The following MICAL2 variants were observed in gnomAD, a reference collection of about 807,000 sequenced individuals.
MICAL2 encodes microtubule associated monooxygenase, calponin and LIM domain containing 2, also known as [F-actin]-monooxygenase MICAL2.
A neutral mutation model predicts 127.3 loss-of-function variants in MICAL2; 77 were observed. The ratio of observed to expected loss-of-function variants is 0.60; its 90% CI spans 0.50 to 0.73. The LOEUF (loss-of-function observed/expected upper bound fraction) is 0.73, where lower values mean the gene tolerates loss of function less well. Among genes scored for constraint, MICAL2 ranks in the 30% least tolerant of loss-of-function variants. The pLI, the probability that MICAL2 is intolerant of heterozygous loss-of-function variation, is 0.00. For missense variants in MICAL2, 1,351 were observed against 1,434.4 expected (o/e 0.94, Z 0.94); for synonymous variants, 570 against 551.1 (o/e 1.03, Z -0.48).
intron 8 of MICAL2, 55 bp from the exon 9 acceptor site, chr11:12,220,146 G>A: frequency 6.2e-7 from 1 of 1,603,054 alleles, no homozygotes; most frequent in Non-Finnish European, 8.5e-7. Context: ...AGGTGGGTAT[G>A]AAGGCTAGCC....
rs1565283474 is a variant in MICAL2 at position 12,263,567 on chromosome 11, C to T, written c.*25C>T. 6.5e-6 allele frequency: 1 copy of T among 152,676 alleles called. No homozygotes were observed. Among genetic ancestry groups the T allele is most frequent in the Non-Finnish European group, 1.5e-5 (1 of 68,052 alleles). The allele number at this position is 152,676 out of a possible 1,614,324, so 9.5% of individuals were successfully genotyped here. On this transcript the variant is annotated 3_prime_UTR_variant, in exon 28 of 28. Transcript: ENST00000683283. Reference sequence around the variant, plus strand: ...TCTTATCTTCTCTTACAGAGTCTCCCTCCCTTTATAGAATGTCAACCAAAG... The same window carrying T: ...TCTTATCTTCTCTTACAGAGTCTCCTTCCCTTTATAGAATGTCAACCAAAG...
intron 2 of MICAL2, among the ~76,000 whole-genome samples, chr11:12,140,009 C>A (rs1852193153): frequency 6.6e-6 from 1 of 152,178 alleles, no homozygotes; most frequent in African/African-American, 2.4e-5. Context: ...GTTTATTCTA[C>A]CTTTTCTTGC....
At chr11:12,227,193 G>C in intron 15 of MICAL2, 62 bp downstream of exon 15, 1 of 1,204,100 alleles carries the variant, frequency 8.3e-7, no homozygotes, top group Non-Finnish European at 1.2e-6. Context: ...ATGAGGAACG[G>C]AGATTGTCAC....
At chr11:12,258,360 A>G in intron 24 of MICAL2, 108 bp from the exon 25 acceptor site, 2 of 845,746 alleles carry the variant, frequency 2.4e-6, no homozygotes, top group Admixed American at 1.9e-5. Context: ...GGCTATTTCC[A>G]TCGTTACTAT....
At position 12,241,023 on chromosome 11, in the gene MICAL2, C is replaced by G; in HGVS notation, c.2215-17C>G. ...TCTCCTGTGGCTGCTTTTTTGGACT[C>G]GCCTTTCTTCTCCCAGGAACGCCGT... On this transcript the variant is annotated splice_polypyrimidine_tract_variant and intron_variant, in intron 17 of 27. Coordinates refer to ENST00000683283, the MANE Select transcript of MICAL2 (RefSeq NM_001282663.2). The G allele has an allele frequency of 6.2e-7, 1 of 1,611,276 alleles. No individual in the cohort carries two copies. Among genetic ancestry groups the G allele is most frequent in the Non-Finnish European group, 8.5e-7 (1 of 1,178,776 alleles).
intron 1 of MICAL2, among the ~76,000 whole-genome samples, chr11:12,132,852 T>G (rs1220287965): frequency 6.6e-6 from 1 of 152,254 alleles, no homozygotes; most frequent in Non-Finnish European, 1.5e-5. Flanking sequence ...TGTTCTTTTG[T>G]ACCAACTGAT....
intron 3 of MICAL2, among the ~76,000 whole-genome samples, chr11:12,164,381 C>T (rs1412772216): frequency 6.6e-6 from 1 of 152,170 alleles, no homozygotes; most frequent in African/African-American, 2.4e-5. Context: ...CTGGAAGATA[C>T]ATTTGAGAAT....
At chr11:12,311,562 C>G (rs550413261) in intron 29 of MICAL2, among the ~76,000 whole-genome samples, 1 of 152,146 alleles carries the variant, frequency 6.6e-6, no homozygotes, top group Non-Finnish European at 1.5e-5. Flanking sequence ...GCCACCACAC[C>G]GGCTAATTTT....
chr11:12,268,731 G>C (rs571985087), downstream of MICAL2, among the ~76,000 whole-genome samples: 296 of 152,256 alleles, frequency 1.9e-3, 2 homozygotes, highest in Admixed American at 3.5e-3. Context: ...TCGCTCACGC[G>C]TGTAATCCAA....
downstream of MICAL2, among the ~76,000 whole-genome samples, chr11:12,267,667 T>A (rs1400445383): frequency 6.6e-6 from 1 of 152,184 alleles, no homozygotes; most frequent in African/African-American, 2.4e-5. Context: ...GCTGGAGTGA[T>A]GTCAGCTCGC....
intron 2 of MICAL2, chr11:12,161,329 G>A (rs1393737267): frequency 2.6e-5 from 4 of 152,204 alleles, no homozygotes; most frequent in South Asian, 2.1e-4. Flanking sequence ...CCTTCCATGA[G>A]CCGGAGCACT....
At chr11:12,294,907 G>A, downstream of MICAL2, 1 of 1,412,552 alleles carries the variant, frequency 7.1e-7, no homozygotes, top group Non-Finnish European at 9.2e-7. Context: ...TGGGCAGTTA[G>A]TAATCTTCAT....
intron 3 of MICAL2, among the ~76,000 whole-genome samples, chr11:12,190,496 G>C (rs952534405): frequency 2.0e-5 from 3 of 152,162 alleles, no homozygotes; most frequent in Non-Finnish European, 4.4e-5. Context: ...CATTGGTAAA[G>C]GTAGTAAAAC....
chr11:12,216,135 C>A, intron 7 of MICAL2, 84 bp from the exon 8 acceptor site: 2 of 1,003,330 alleles, frequency 2.0e-6, no homozygotes, highest in Non-Finnish European at 3.2e-6. Flanking sequence ...AATAACAAGA[C>A]CAATAGTGAG....
chr11:12,343,776 C>T (rs552022343), intron 32 of MICAL2, among the ~76,000 whole-genome samples: 2 of 152,148 alleles, frequency 1.3e-5, no homozygotes, highest in South Asian at 4.2e-4. Context: ...ATGTTAGATA[C>T]GAGGAAAGGC....
intron 7 of MICAL2, 122 bp from the exon 8 acceptor site, chr11:12,216,097 C>A: frequency 1.4e-6 from 1 of 705,902 alleles, no homozygotes; most frequent in Non-Finnish European, 2.5e-6. Context: ...GCCTTAAAAA[C>A]TGGTCTAACA....
intron 3 of MICAL2, among the ~76,000 whole-genome samples, chr11:12,173,644 A>G (rs914171659): frequency 4.6e-5 from 7 of 152,216 alleles, no homozygotes; most frequent in Non-Finnish European, 1.0e-4. Context: ...TCCTGTTTCC[A>G]AGATTTTTCC....
chr11:12,170,614 A>G (rs1856126344), intron 3 of MICAL2, among the ~76,000 whole-genome samples: 1 of 152,314 alleles, frequency 6.6e-6, no homozygotes, highest in African/African-American at 2.4e-5. Context: ...CTGTCCTATT[A>G]GTGCTGAACA....
intron 7 of MICAL2, among the ~76,000 whole-genome samples, chr11:12,215,482 C>T (rs866106634): frequency 4.6e-5 from 7 of 152,330 alleles, no homozygotes; most frequent in Admixed American, 3.3e-4. Flanking sequence ...TAAAGCACAG[C>T]GTGCTGGCCC....
Sources: gnomAD v4.1 joint callset for allele counts (sites outside exome capture counted in the v4.1 genomes callset) on GRCh38, gnomAD v4.1.1 for gene constraint, MANE v1.5 for transcripts, NCBI Gene and HGNC (gene_info 2026-07-23, HGNC 2026-07-21) for gene names.